Variants in LRRTM4 observed in about 807,000 individuals in gnomAD.
LRRTM4 encodes leucine rich repeat transmembrane neuronal 4.
LRRTM4 carries 25 observed loss-of-function variants against 47.6 expected under a neutral mutation model. That is an observed-to-expected ratio of 0.53 (90% CI 0.38 to 0.73). The LOEUF (loss-of-function observed/expected upper bound fraction) is 0.73. Among genes scored for constraint, LRRTM4 ranks in the 30% least tolerant of loss-of-function variants. The probability of loss-of-function intolerance (pLI) is 0.00; values close to 1 mark genes in which losing one functional copy is unlikely to be tolerated. For missense variants in LRRTM4, 638 were observed against 713.4 expected (o/e 0.89, Z 1.20); for synonymous variants, 311 against 269.5 (o/e 1.15, Z -1.51).
chr2:76,993,401 A>G (rs1677082707), intron 3 of LRRTM4, among the ~76,000 whole-genome samples: 1 of 151,992 alleles, frequency 6.6e-6, no homozygotes, highest in Admixed American at 6.6e-5. Context: ...AAGGAACTTA[A>G]ATATCTCATC....
At chr2:76,929,073 C>A in intron 3 of LRRTM4, among the ~76,000 whole-genome samples, 1 of 152,140 alleles carries the variant, frequency 6.6e-6, no homozygotes, top group Non-Finnish European at 1.5e-5. Context: ...CTTACTACAA[C>A]ATTACTATGA....
chr2:76,908,489 C>G (rs1395541590), intron 3 of LRRTM4, among the ~76,000 whole-genome samples: 2 of 151,184 alleles, frequency 1.3e-5, no homozygotes, highest in South Asian at 2.1e-4. Flanking sequence ...GAAGTTCTGG[C>G]CAGGGCAATT....
intron 3 of LRRTM4, among the ~76,000 whole-genome samples, chr2:77,159,402 T>G (rs1049617186): frequency 6.6e-6 from 1 of 151,678 alleles, no homozygotes; most frequent in African/African-American, 2.4e-5. Context: ...GGGATAGCAT[T>G]AGGAGATATA....
At chr2:76,931,981 ATG>A (rs1332776386) in intron 3 of LRRTM4, among the ~76,000 whole-genome samples, 1 of 152,148 alleles carries the variant, frequency 6.6e-6, no homozygotes, top group Non-Finnish European at 1.5e-5. Flanking sequence ...TAAACAAAAA[ATG>A]TATTTCCACA....
At chr2:76,945,775 A>G (rs200072475) in intron 3 of LRRTM4, among the ~76,000 whole-genome samples, 2 of 131,602 alleles carry the variant, frequency 1.5e-5, no homozygotes, top group Non-Finnish European at 3.3e-5. Flanking sequence ...GTGTGTGTGT[A>G]TGTGTATGTA....
intron 3 of LRRTM4, among the ~76,000 whole-genome samples, chr2:76,828,957 CTTATA>C (rs1176626204): frequency 6.6e-6 from 1 of 151,842 alleles, no homozygotes; most frequent in Non-Finnish European, 1.5e-5. Flanking sequence ...CATGAAATAT[CTTATA>C]TTCTTCCCTA....
intron 3 of LRRTM4, among the ~76,000 whole-genome samples, chr2:76,988,935 A>C (rs1295932426): frequency 1.3e-5 from 2 of 151,856 alleles, no homozygotes; most frequent in African/African-American, 4.8e-5. Flanking sequence ...TTAGCAAAAC[A>C]AATAACCTCT....
chr2:76,863,813 T>C (rs556050077), intron 3 of LRRTM4, among the ~76,000 whole-genome samples: 6 of 152,314 alleles, frequency 3.9e-5, no homozygotes, highest in East Asian at 1.9e-4. Context: ...CCTCATGATA[T>C]AGAAGGCAAA....
chr2:77,453,647 T>C (rs1676352576), intron 3 of LRRTM4, among the ~76,000 whole-genome samples: 1 of 152,208 alleles, frequency 6.6e-6, no homozygotes, highest in Non-Finnish European at 1.5e-5. Flanking sequence ...TGATATAATA[T>C]TTCTATCTAA....
chr2:77,137,745 A>T (rs2103750307), intron 3 of LRRTM4, among the ~76,000 whole-genome samples: 1 of 152,322 alleles, frequency 6.6e-6, no homozygotes, highest in East Asian at 1.9e-4. Context: ...ACACGCAGGG[A>T]CACACATAGG....
intron 3 of LRRTM4, among the ~76,000 whole-genome samples, chr2:76,822,376 A>G (rs997302886): frequency 6.6e-6 from 1 of 151,576 alleles, no homozygotes; most frequent in Admixed American, 6.6e-5. Context: ...ATAAAAGAAA[A>G]TCCAACTAAG....
Position 77,052,150 on chromosome 2 carries a change from C to CTTTTTTT in LRRTM4, c.1552-303241_1552-303235dup, listed in dbSNP as rs70939841. Among the ~76,000 whole-genome samples, 100 of 63,598 alleles carry CTTTTTTT rather than the reference C, an allele frequency of 1.6e-3. 3 individuals are homozygous for CTTTTTTT. The highest frequency in any genetic ancestry group is 5.2e-3 in the African/African-American group (76 of 14,596). The allele number at this position is 63,598 out of a possible 152,430, so 41.7% of individuals were successfully genotyped here. ...GCAAAAAAAAATACCGTTACATTTC[C>CTTTTTTT]TTTTTTTTTTTTTTTTTTTTTTTGA... On this transcript the variant is annotated intron_variant, in intron 3 of 3. Coordinates refer to ENST00000409884, the MANE Select transcript of LRRTM4 (RefSeq NM_001134745.3).
intron 3 of LRRTM4, among the ~76,000 whole-genome samples, chr2:76,874,851 T>C (rs550254561): frequency 6.6e-6 from 1 of 152,228 alleles, no homozygotes; most frequent in East Asian, 1.9e-4. Flanking sequence ...ACTTTGCTTA[T>C]TTGAAGTTGA....
chr2:77,500,544 G>A (rs939075363), intron 3 of LRRTM4, among the ~76,000 whole-genome samples: 1 of 151,390 alleles, frequency 6.6e-6, no homozygotes, highest in African/African-American at 2.4e-5. Context: ...AAAATAATCT[G>A]TAATATATTT....
At chr2:77,198,341 C>T (rs1673884362) in intron 3 of LRRTM4, among the ~76,000 whole-genome samples, 1 of 152,144 alleles carries the variant, frequency 6.6e-6, no homozygotes, top group South Asian at 2.1e-4. Context: ...GAGTTCTGTC[C>T]TTTCTCATTG....
chr2:76,913,133 T>TGA (rs1185936298), intron 3 of LRRTM4, among the ~76,000 whole-genome samples: 1 of 152,206 alleles, frequency 6.6e-6, no homozygotes, highest in Non-Finnish European at 1.5e-5. Flanking sequence ...ATATTGAATA[T>TGA]ATCTTTACAT....
chr2:77,135,646 C>A (rs1671915460), intron 3 of LRRTM4, among the ~76,000 whole-genome samples: 1 of 152,092 alleles, frequency 6.6e-6, no homozygotes. Flanking sequence ...TGCCATGAAC[C>A]AGAAAGCTAT....
chr2:77,496,439 T>C (rs1185135028), intron 3 of LRRTM4, among the ~76,000 whole-genome samples: 31 of 151,874 alleles, frequency 2.0e-4, no homozygotes, highest in Non-Finnish European at 2.9e-5. Flanking sequence ...GTCTTCATTG[T>C]GTATGATGTT....
At chr2:76,941,948 A>C (rs1000153054) in intron 3 of LRRTM4, among the ~76,000 whole-genome samples, 2 of 152,010 alleles carry the variant, frequency 1.3e-5, no homozygotes, top group Non-Finnish European at 2.9e-5. Context: ...AATCATTACT[A>C]TTTTTCCACA....
Sources: gnomAD v4.1 joint callset for allele counts (sites outside exome capture counted in the v4.1 genomes callset) on GRCh38, gnomAD v4.1.1 for gene constraint, MANE v1.5 for transcripts, NCBI Gene and HGNC (gene_info 2026-07-23, HGNC 2026-07-21) for gene names.